Variants in SIPA1L3 observed in about 807,000 individuals in gnomAD.
SIPA1L3 encodes signal induced proliferation associated 1 like 3.
SIPA1L3 carries 59 observed loss-of-function variants against 150.1 expected under a neutral mutation model. That is an observed-to-expected ratio of 0.39 (90% CI 0.32 to 0.49). The LOEUF is 0.49. Ranked by LOEUF, SIPA1L3 falls within the 20% of genes least tolerant of loss-of-function variation. The pLI is 0.86. For synonymous variants in SIPA1L3, 1,070 were observed against 1,077.6 expected (o/e 0.99, Z 0.14); for missense variants, 2,211 against 2,489.5 (o/e 0.89, Z 2.38).
At chr19:37,979,456 C>T (rs1967149437) in intron 1 of SIPA1L3, among the ~76,000 whole-genome samples, 1 of 151,334 alleles carries the variant, frequency 6.6e-6, no homozygotes, top group Non-Finnish European at 1.5e-5. Context: ...ACTCAGGAGG[C>T]TGAGGCAGGA....
intron 3 of SIPA1L3, among the ~76,000 whole-genome samples, chr19:38,085,135 C>G (rs1407071757): frequency 6.6e-6 from 1 of 151,918 alleles, no homozygotes; most frequent in African/African-American, 2.4e-5. Context: ...ATGATTATAT[C>G]AATATCACAT....
Position 38,193,582 on chromosome 19 carries a change from C to A in SIPA1L3, c.4642C>A (p.Leu1548Met). 1 of 1,550,284 alleles carries A rather than the reference C, an allele frequency of 6.5e-7. No homozygotes were observed. The highest frequency in any genetic ancestry group is 8.6e-7 in the Non-Finnish European group (1 of 1,158,714). The part of the protein sequence containing the change: ...GLQRTLSDES[L>M]CSGRREPSFA... ...GCAGCGGACGCTGTCGGACGAGAGC[C>A]TGTGCAGCGGGCGCCGGGAGCCCAG... Residue 1548 changes from leucine (L) to methionine (M), a missense_variant, in exon 18 of 22, where the codon CTG becomes ATG. By Grantham distance (15) the Leu-to-Met change is conservative. This residue lies in a region of SIPA1L3 where 806 missense variants were observed against 870.1 expected (regional missense o/e 0.93). Transcript: ENST00000222345.
Position 38,105,448 on chromosome 19 carries a change from G to A in SIPA1L3, c.2030-1089G>A, listed in dbSNP as rs564149773. ...ACCACTCAGTACAGTGTGACCTTGG[G>A]AAGGCACTCCCTCTCCATGCCTCAG... On this transcript the variant is annotated intron_variant, in intron 6 of 21. Coordinates refer to ENST00000222345, the MANE Select transcript of SIPA1L3 (RefSeq NM_015073.3). Among the ~76,000 whole-genome samples, 4 of 152,164 alleles carry A rather than the reference G, an allele frequency of 2.6e-5. No individual in the cohort carries two copies. The South Asian group carries it at 8.3e-4, about 32-fold the overall frequency.
chr19:38,071,541 G>A (rs982748641), intron 2 of SIPA1L3, among the ~76,000 whole-genome samples: 2 of 152,052 alleles, frequency 1.3e-5, no homozygotes, highest in Non-Finnish European at 2.9e-5. Context: ...CGCCCACCTC[G>A]GCCTCCCAAA....
At chr19:38,058,757 G>A (rs1969384596) in intron 2 of SIPA1L3, among the ~76,000 whole-genome samples, 1 of 152,162 alleles carries the variant, frequency 6.6e-6, no homozygotes, top group African/African-American at 2.4e-5. Flanking sequence ...AGGTGCGGTG[G>A]CTCACGCCTG....
intron 2 of SIPA1L3, among the ~76,000 whole-genome samples, chr19:38,052,981 G>A (rs548793504): frequency 1.2e-4 from 19 of 152,370 alleles, no homozygotes; most frequent in African/African-American, 4.6e-4. Flanking sequence ...CCCTGCATGA[G>A]GTACCAGCAT....
At chr19:38,181,581 C>G (rs1204297751) in intron 15 of SIPA1L3, among the ~76,000 whole-genome samples, 1 of 152,018 alleles carries the variant, frequency 6.6e-6, no homozygotes, top group Admixed American at 6.6e-5. Flanking sequence ...CGGTGGCTCA[C>G]ACCTGTAATC....
intron 1 of SIPA1L3, among the ~76,000 whole-genome samples, chr19:37,943,034 C>CTCT (rs2046676286): frequency 4.4e-5 from 1 of 22,614 alleles, no homozygotes; most frequent in African/African-American, 2.2e-4. Flanking sequence ...CTCTCTCTCT[C>CTCT]TTTTTTTTTT....
intron 2 of SIPA1L3, among the ~76,000 whole-genome samples, chr19:38,052,798 C>G (rs754825240): frequency 1.3e-5 from 2 of 152,206 alleles, no homozygotes; most frequent in African/African-American, 4.8e-5. Flanking sequence ...TACATGGTTC[C>G]GAGTTCCTCC....
chr19:37,931,538 A>G (rs1406732700), intron 1 of SIPA1L3, among the ~76,000 whole-genome samples: 2 of 151,958 alleles, frequency 1.3e-5, no homozygotes, highest in East Asian at 1.9e-4. Context: ...CCTGAGGTTG[A>G]GAGTTCAAGA....
At chr19:37,913,755 G>C (rs970208166) in intron 1 of SIPA1L3, among the ~76,000 whole-genome samples, 1 of 147,562 alleles carries the variant, frequency 6.8e-6, no homozygotes, top group Admixed American at 6.7e-5. Context: ...AGCGGCTCAC[G>C]CCTGTGATCA....
intron 1 of SIPA1L3, among the ~76,000 whole-genome samples, chr19:37,995,648 G>A (rs375084487): frequency 1.3e-5 from 2 of 152,294 alleles, no homozygotes; most frequent in African/African-American, 4.8e-5. Flanking sequence ...AATGGCCTGA[G>A]GAGGTGGGGC....
intron 1 of SIPA1L3, among the ~76,000 whole-genome samples, chr19:38,023,571 T>A (rs774511887): frequency 2.7e-4 from 41 of 152,122 alleles, no homozygotes; most frequent in Non-Finnish European, 4.7e-4. Context: ...TGGACAGGGA[T>A]GGGTATAATG....
chr19:38,015,540 A>G (rs1384057227), intron 1 of SIPA1L3, among the ~76,000 whole-genome samples: 2 of 151,936 alleles, frequency 1.3e-5, no homozygotes, highest in Non-Finnish European at 2.9e-5. Flanking sequence ...CCTGGGAAAC[A>G]TGGCGAAACT....
chr19:37,962,463 C>CGTTTTTTT (rs2046867543), intron 1 of SIPA1L3, among the ~76,000 whole-genome samples: 1 of 73,102 alleles, frequency 1.4e-5, no homozygotes, highest in African/African-American at 7.1e-5. Context: ...TGCAGCCGGC[C>CGTTTTTTT]TTTTTTTTTT....
chr19:38,131,500 G>A (rs997530297), intron 10 of SIPA1L3, among the ~76,000 whole-genome samples: 1 of 152,182 alleles, frequency 6.6e-6, no homozygotes, highest in Non-Finnish European at 1.5e-5. Flanking sequence ...AGAGCTGAGA[G>A]CAAAGGACAG....
intron 8 of SIPA1L3, among the ~76,000 whole-genome samples, chr19:38,111,262 C>A (rs1056661327): frequency 2.0e-5 from 3 of 151,918 alleles, no homozygotes; most frequent in African/African-American, 7.3e-5. Context: ...GAACTCTTGG[C>A]CTCAAGTGAT....
intron 9 of SIPA1L3, among the ~76,000 whole-genome samples, chr19:38,127,365 A>G (rs1600107374): frequency 6.6e-6 from 1 of 152,074 alleles, no homozygotes; most frequent in African/African-American, 2.4e-5. Context: ...ACAACTCTTA[A>G]AACATAACAT....
chr19:38,137,213 G>C (rs1273931126), intron 10 of SIPA1L3, among the ~76,000 whole-genome samples: 3 of 151,980 alleles, frequency 2.0e-5, no homozygotes, highest in African/African-American at 7.3e-5. Context: ...TTTTGAGATG[G>C]AGTCTCACTC....
Sources: allele counts gnomAD v4.1 joint callset (sites outside exome capture counted in the v4.1 genomes callset), GRCh38; gene constraint gnomAD v4.1.1; regional missense constraint gnomAD v4.1.1; transcripts MANE v1.5; gene names NCBI Gene and HGNC (gene_info 2026-07-23, HGNC 2026-07-21).